BCKDHB: variants seen among roughly 807,000 people sequenced by gnomAD.
BCKDHB encodes the protein branched chain keto acid dehydrogenase E1 subunit beta.
BCKDHB carries 41 observed loss-of-function variants against 48.5 expected under a neutral mutation model. That is an observed-to-expected ratio of 0.85 (90% CI 0.66 to 1.10). The LOEUF (loss-of-function observed/expected upper bound fraction) is 1.10, where lower values mean the gene tolerates loss of function less well. Among genes scored for constraint, BCKDHB ranks in the 50% least tolerant of loss-of-function variants. The pLI is 0.00. For missense variants in BCKDHB, 496 were observed against 494.2 expected (o/e 1.00, Z -0.03); for synonymous variants, 201 against 174.8 (o/e 1.15, Z -1.18).
At position 80,121,839 on chromosome 6, in the gene BCKDHB, C is replaced by T. The variant is rs568452798; in HGVS notation, c.197-5708C>T. On this transcript the variant is annotated intron_variant, in intron 1 of 9. Transcript: ENST00000320393. ...ACTTCCTCTTTTCCTAATTGAAAAC[C>T]CTTTATTTGTTTCTCTTGCCTGATT... 9.9e-5 allele frequency among the ~76,000 whole-genome samples: 15 copies of T among 152,180 alleles called. No homozygotes were observed. In the South Asian group the frequency reaches 2.9e-3, roughly 29 times the overall value.
chr6:80,216,822 T>C (rs1378418981), intron 8 of BCKDHB, among the ~76,000 whole-genome samples: 1 of 151,768 alleles, frequency 6.6e-6, no homozygotes. Flanking sequence ...TCTGTAATCG[T>C]TAAGAATTTC....
intron 3 of BCKDHB, among the ~76,000 whole-genome samples, chr6:80,132,468 G>A (rs1266591497): frequency 6.6e-6 from 1 of 152,148 alleles, no homozygotes; most frequent in Non-Finnish European, 1.5e-5. Flanking sequence ...ACTGTCTCAG[G>A]AAGGGGATTT....
At chr6:80,408,493 T>C in the BCKDHB span, among the ~76,000 whole-genome samples, 2 of 152,182 alleles carry the variant, frequency 1.3e-5, no homozygotes, top group South Asian at 4.1e-4. Context: ...TCCTGGACTT[T>C]TTTTGGTTGT....
At chr6:80,405,549 G>T in the BCKDHB span, among the ~76,000 whole-genome samples, 5 of 152,052 alleles carry the variant, frequency 3.3e-5, no homozygotes, top group African/African-American at 1.2e-4. Flanking sequence ...CATAGGTAAG[G>T]CCTTACTATT....
At chr6:80,289,949 T>C (rs752924268) in intron 9 of BCKDHB, among the ~76,000 whole-genome samples, 1 of 152,118 alleles carries the variant, frequency 6.6e-6, no homozygotes, top group Non-Finnish European at 1.5e-5. Flanking sequence ...CTAGAGCACA[T>C]CTATTCTGCA....
At chr6:80,431,188 T>C in the BCKDHB span, among the ~76,000 whole-genome samples, 8 of 152,312 alleles carry the variant, frequency 5.3e-5, no homozygotes, top group Non-Finnish European at 7.4e-5. Context: ...TGAGAGACTG[T>C]TTATTATTAT....
rs979043214 is a variant in BCKDHB, at chr6:80,171,334, T to C, written c.686T>C (p.Ile229Thr). ...FQAKGLLLSC[I>T]EDKNPCIFFE... Reference sequence around the variant, plus strand: ...GCCAAAGGACTTCTTTTGTCATGCATAGAGGATAAAAATCCTTGTATATTT... The same window carrying C: ...GCCAAAGGACTTCTTTTGTCATGCACAGAGGATAAAAATCCTTGTATATTT... The change falls in exon 6 of 10, where the codon ATA (isoleucine) becomes ACA (threonine). Residue 229 changes from isoleucine (I) to threonine (T), a missense_variant. Physicochemically the swap from Ile to Thr is moderately conservative, Grantham distance 89. Coordinates refer to ENST00000320393, the MANE Select transcript of BCKDHB (RefSeq NM_183050.4). The C allele has an allele frequency of 2.5e-6, 4 of 1,608,946 alleles. No homozygotes were observed. The African/African-American group carries it at 5.3e-5, about 22-fold the overall frequency.
chr6:80,393,911 A>G, the BCKDHB span, among the ~76,000 whole-genome samples: 1 of 152,212 alleles, frequency 6.6e-6, no homozygotes, highest in South Asian at 2.1e-4. Flanking sequence ...TAAAATTTTG[A>G]AAACTTGAGT....
intron 8 of BCKDHB, among the ~76,000 whole-genome samples, chr6:80,267,778 C>A (rs974148359): frequency 6.6e-6 from 1 of 152,058 alleles, no homozygotes; most frequent in Non-Finnish European, 1.5e-5. Context: ...AAAAAATGAA[C>A]CAGTGAGGAT....
At position 80,307,784 on chromosome 6, in the gene BCKDHB, G is replaced by A. The variant is rs1423017866; in HGVS notation, c.1038+34563G>A. The A allele has an allele frequency of 9.1e-6, 9 of 984,822 alleles. No homozygotes were observed. The African/African-American group carries it at 1.4e-4, about 15-fold the overall frequency. The allele number at this position is 984,822 out of a possible 1,614,324, so 61.0% of individuals were successfully genotyped here. On this transcript the variant is annotated intron_variant, in intron 9 of 9. Transcript: ENST00000320393. ...GATGAAGCACACACTTCATAATGGA[G>A]TATAAAATTTACCAAAGTTGTAGAT... is the stretch of plus-strand genomic sequence containing the variant.
chr6:80,445,344 C>T, the BCKDHB span, among the ~76,000 whole-genome samples: 1 of 151,974 alleles, frequency 6.6e-6, no homozygotes, highest in African/African-American at 2.4e-5. Flanking sequence ...TATATCAAAC[C>T]ATTGCTTCAG....
chr6:80,145,632 C>G (rs1464440297), intron 3 of BCKDHB, among the ~76,000 whole-genome samples: 3 of 152,096 alleles, frequency 2.0e-5, no homozygotes. Context: ...GGAAGCTGGC[C>G]ATTTAAAATA....
Position 80,167,734 on chromosome 6 carries a change from A to G in BCKDHB, c.400A>G (p.Ile134Val), listed in dbSNP as rs1291361186. The part of the protein sequence containing the change: ...LCEQGIVGFG[I>V]GIAVTGATAI... The stretch of plus-strand genomic sequence containing the variant: ...TGAACAAGGAATTGTTGGATTTGGA[A>G]TCGGAATTGCGGTCACTGGAGCTAC... Residue 134 changes from isoleucine to valine, a missense_variant, in exon 4 of 10, where the codon ATC becomes GTC. Coordinates refer to ENST00000320393, the MANE Select transcript of BCKDHB (RefSeq NM_183050.4). The G allele has an allele frequency of 6.2e-7, 1 of 1,612,798 alleles. No homozygotes were observed. Among genetic ancestry groups the G allele is most frequent in the East Asian group, 2.2e-5 (1 of 44,862 alleles).
At chr6:80,397,491 A>C in the BCKDHB span, among the ~76,000 whole-genome samples, 1 of 152,220 alleles carries the variant, frequency 6.6e-6, no homozygotes. Flanking sequence ...TCAATCCACC[A>C]TAAAGTCATA....
chr6:80,170,626 G>A (rs1772862095), intron 5 of BCKDHB, among the ~76,000 whole-genome samples: 1 of 152,110 alleles, frequency 6.6e-6, no homozygotes, highest in Non-Finnish European at 1.5e-5. Flanking sequence ...CAGAGTGCTT[G>A]GCCAAGTTTA....
At chr6:80,448,224 T>C in the BCKDHB span, among the ~76,000 whole-genome samples, 1 of 152,026 alleles carries the variant, frequency 6.6e-6, no homozygotes, top group Non-Finnish European at 1.5e-5. Flanking sequence ...CAATTTAGGG[T>C]AGTGTAGCTG....
intron 3 of BCKDHB, among the ~76,000 whole-genome samples, chr6:80,162,730 A>G (rs924715943): frequency 6.6e-6 from 1 of 152,120 alleles, no homozygotes; most frequent in Non-Finnish European, 1.5e-5. Flanking sequence ...GGGCGCCTGT[A>G]ATCCCAGCTA....
chr6:80,341,785 A>C (rs988229930), intron 9 of BCKDHB, among the ~76,000 whole-genome samples: 3 of 152,188 alleles, frequency 2.0e-5, no homozygotes, highest in Non-Finnish European at 2.9e-5. Flanking sequence ...AGAGTTCAGT[A>C]TTCAGGGAAG....
the BCKDHB span, among the ~76,000 whole-genome samples, chr6:80,435,339 T>C: frequency 6.6e-6 from 1 of 152,146 alleles, no homozygotes; most frequent in Non-Finnish European, 1.5e-5. Flanking sequence ...TGTAAAGTAA[T>C]GGGAAAGAAT....
Sources: gnomAD v4.1 joint callset for allele counts (sites outside exome capture counted in the v4.1 genomes callset) on GRCh38, gnomAD v4.1.1 for gene constraint, MANE v1.5 for transcripts, NCBI Gene and HGNC (gene_info 2026-07-23, HGNC 2026-07-21) for gene names.